The following IGSF3 variants were observed in gnomAD, a reference collection of about 807,000 sequenced individuals.
The protein encoded by IGSF3 is glu-Trp-Ile EWI motif-containing protein 3.
Under a neutral mutation model 114.4 loss-of-function variants are expected in IGSF3, and 23 were observed. The observed-to-expected ratio is 0.20, with a 90% CI of 0.14 to 0.28. IGSF3 has a LOEUF of 0.28. Ranked by LOEUF, IGSF3 falls within the 10% of genes least tolerant of loss-of-function variation. IGSF3 has a pLI of 1.00. For synonymous variants in IGSF3, 571 were observed against 645.2 expected (o/e 0.88, Z 1.74); for missense variants, 1,172 against 1,591.5 (o/e 0.74, Z 4.48).
chr1:116,604,035 G>C lies in IGSF3; in HGVS notation c.1223-10C>G, dbSNP rs976253810. The C allele has an allele frequency of 1.3e-6, 2 of 1,587,236 alleles. No homozygotes were observed. Among genetic ancestry groups the C allele is most frequent in the Admixed American group, 3.4e-5 (2 of 58,460 alleles). ...ACGGAGATGCTGCTCTCTAGGAAGA[G>C]GGAGAGAGAAACACCCTGGAGGCTT... On this transcript the variant is annotated splice_polypyrimidine_tract_variant and intron_variant, in intron 5 of 10. Coordinates refer to ENST00000369486, the MANE Select transcript of IGSF3 (RefSeq NM_001007237.3).
chr1:116,579,614 G>A lies in IGSF3; in HGVS notation c.3112C>T (p.Pro1038Ser). Residue 1038 changes from proline (P) to serine (S), a missense_variant, in exon 10 of 11, where the codon CCA becomes TCA. By Grantham distance (74) the Pro-to-Ser change is moderately conservative. Coordinates refer to ENST00000369486, the MANE Select transcript of IGSF3 (RefSeq NM_001007237.3). The surrounding 1 kb of genome is among the most constrained non-coding windows in gnomAD (Gnocchi z 6.4). ...TERTALLSVG[P>S]DAVFGPEGSP... ...CCCTCTGGGCCAAAGACAGCATCTG[G>A]GCCCACGCTCAGCAGGGCCGTCCGC... The A allele has an allele frequency of 1.2e-6, 2 of 1,614,016 alleles. No individual in the cohort carries two copies. The highest frequency in any genetic ancestry group is 1.7e-6 in the Non-Finnish European group (2 of 1,180,022).
rs115256620 is a variant in IGSF3, at chr1:116,638,695, G to C, written c.44-22238C>G. On this transcript the variant is annotated intron_variant, in intron 2 of 10. Coordinates refer to ENST00000369486, the MANE Select transcript of IGSF3 (RefSeq NM_001007237.3). This position sits in a 1 kb window ranked among gnomAD's most constrained non-coding sequence, Gnocchi z 4.1. Reference sequence around the variant, plus strand: ...ACAAGATGGAAAAGAAAAGAGAAGAGGAAGAGAGAAAAAGAGAAAGGGAAG... The same window carrying C: ...ACAAGATGGAAAAGAAAAGAGAAGACGAAGAGAGAAAAAGAGAAAGGGAAG... 2.7e-3 allele frequency among the ~76,000 whole-genome samples: 404 copies of C among 152,296 alleles called. No individual in the cohort carries two copies. The highest frequency in any genetic ancestry group is 9.4e-3 in the African/African-American group (391 of 41,568).
At chr1:116,617,794 T>G (rs1661277688) in intron 2 of IGSF3, among the ~76,000 whole-genome samples, 1 of 152,216 alleles carries the variant, frequency 6.6e-6, no homozygotes, top group Admixed American at 6.5e-5. Flanking sequence ...TGCTGGAACA[T>G]TCTGTGGCTC....
In IGSF3 at chr1:116,616,254, T is replaced by C. The variant is rs1661213566; in HGVS notation, c.247A>G (p.Ile83Val). Residue 83 changes from isoleucine to valine, a missense_variant, in exon 3 of 11, where the codon ATC becomes GTC. This residue lies in a region of IGSF3 where 736 missense variants were observed against 1,042.0 expected (regional missense o/e 0.71). Coordinates refer to ENST00000369486, the MANE Select transcript of IGSF3 (RefSeq NM_001007237.3). This position sits in a 1 kb window ranked among gnomAD's most constrained non-coding sequence, Gnocchi z 6.6. Reference sequence around the variant, plus strand: ...CCTCCGCGGACGCGCTGGGTGTAGATGGCATAGGGGAAGGAAGAGTCCATG... The same window carrying C: ...CCTCCGCGGACGCGCTGGGTGTAGACGGCATAGGGGAAGGAAGAGTCCATG... ...STMDSSFPYA[I>V]YTQRVRGGKI... is the part of the protein sequence containing the mutation. The C allele has an allele frequency of 1.9e-6, 3 of 1,612,610 alleles. No homozygotes were observed. Among genetic ancestry groups the C allele is most frequent in the Non-Finnish European group, 2.5e-6 (3 of 1,179,672 alleles).
At chr1:116,609,099 A>C (rs1660913450) in intron 4 of IGSF3, among the ~76,000 whole-genome samples, 1 of 151,776 alleles carries the variant, frequency 6.6e-6, no homozygotes, top group South Asian at 2.1e-4. Flanking sequence ...CGCCTGGTTA[A>C]ACCTTAGTAG....
Position 116,644,504 on chromosome 1 carries a change from C to T in IGSF3, c.43+21780G>A, listed in dbSNP as rs1648249205. ...ATTTGGGACAGGACACCTCTAACTC[C>T]ATCTCTGGCCAGGAGCCAGCATAGT... On this transcript the variant is annotated intron_variant, in intron 2 of 10. Coordinates refer to ENST00000369486, the MANE Select transcript of IGSF3 (RefSeq NM_001007237.3). The surrounding 1 kb of genome is among the most constrained non-coding windows in gnomAD (Gnocchi z 5.6). Among the ~76,000 whole-genome samples the T allele has an allele frequency of 6.6e-6, 1 of 152,210 alleles. No homozygotes were observed.
Position 116,634,128 on chromosome 1 carries a change from T to C in IGSF3, c.44-17671A>G, listed in dbSNP as rs1385117266. Reference sequence around the variant, plus strand: ...AATTAGGTCAGAAGCAGACTTAATTTGCACTGTGTACATCCTTCGGTATCC... The same window carrying C: ...AATTAGGTCAGAAGCAGACTTAATTCGCACTGTGTACATCCTTCGGTATCC... On this transcript the variant is annotated intron_variant, in intron 2 of 10. Coordinates refer to ENST00000369486, the MANE Select transcript of IGSF3 (RefSeq NM_001007237.3). This position sits in a 1 kb window ranked among gnomAD's most constrained non-coding sequence, Gnocchi z 4.2. Among the ~76,000 whole-genome samples the C allele has an allele frequency of 1.3e-5, 2 of 152,250 alleles. No homozygotes were observed. Among genetic ancestry groups the C allele is most frequent in the Non-Finnish European group, 2.9e-5 (2 of 68,042 alleles).
Position 116,605,416 on chromosome 1 carries a change from A to G in IGSF3, c.1223-1391T>C, listed in dbSNP as rs556446579. 2.6e-3 allele frequency among the ~76,000 whole-genome samples: 396 copies of G among 152,236 alleles called. 3 individuals carry two copies. Among genetic ancestry groups the G allele is most frequent in the African/African-American group, 8.9e-3 (369 of 41,550 alleles). ...ATTTGCTTGTTTTATGTGAAAAATA[A>G]AAGGTCTGGATGGGGCAGGGAATAG... On this transcript the variant is annotated intron_variant, in intron 5 of 10. Coordinates refer to ENST00000369486, the MANE Select transcript of IGSF3 (RefSeq NM_001007237.3). The surrounding 1 kb of genome is among the most constrained non-coding windows in gnomAD (Gnocchi z 5.1).
At chr1:116,599,878 T>C (rs933326397) in intron 7 of IGSF3, 63 bp downstream of exon 7, 2 of 1,489,110 alleles carry the variant, frequency 1.3e-6, no homozygotes, top group Non-Finnish European at 1.8e-6. Flanking sequence ...CGCACACCTT[T>C]CTTTTTCCCT....
intron 5 of IGSF3, 58 bp from the exon 6 acceptor site, chr1:116,604,083 C>T: frequency 3.6e-6 from 5 of 1,379,840 alleles, no homozygotes; most frequent in South Asian, 1.4e-5. Context: ...AGCGCCCTCC[C>T]CACAGAGGAA....
At chr1:116,641,073 G>T (rs1218729557) in intron 2 of IGSF3, among the ~76,000 whole-genome samples, 2 of 152,134 alleles carry the variant, frequency 1.3e-5, no homozygotes, top group Non-Finnish European at 2.9e-5. Flanking sequence ...CTACAGGGAG[G>T]GTAGGGGAGT....
rs1341089236 is a variant in IGSF3, at chr1:116,664,210, A to G, written c.43+2074T>C. Among the ~76,000 whole-genome samples, 1 of 152,196 alleles carries G rather than the reference A, an allele frequency of 6.6e-6. No homozygotes were observed. Among genetic ancestry groups the G allele is most frequent in the Non-Finnish European group, 1.5e-5 (1 of 68,028 alleles). ...TCCAAACCTTCCCACTTCAGCCTGCATCTGGATGTCTGCCACTGTGCCCCT... is the reference window on the plus strand; with the variant it reads ...TCCAAACCTTCCCACTTCAGCCTGCGTCTGGATGTCTGCCACTGTGCCCCT... On this transcript the variant is annotated intron_variant, in intron 2 of 10. Coordinates refer to ENST00000369486, the MANE Select transcript of IGSF3 (RefSeq NM_001007237.3). This position sits in a 1 kb window ranked among gnomAD's most constrained non-coding sequence, Gnocchi z 4.6.
Position 116,613,943 on chromosome 1 carries a change from C to T in IGSF3, c.654G>A (p.Glu218=), listed in dbSNP as rs1409503325. 3 of 1,613,832 alleles carry T rather than the reference C, an allele frequency of 1.9e-6. No homozygotes were observed. The Admixed American group carries it at 5.0e-5, about 27-fold the overall frequency. Residue 218 remains glutamate (E), a synonymous_variant, in exon 4 of 11, where the codon GAG becomes GAA. Coordinates refer to ENST00000369486, the MANE Select transcript of IGSF3 (RefSeq NM_001007237.3). ...SEYAQRQSLG[E]VRLDKLGRTT... is the part of the protein sequence containing the mutation. ...TCCTCCCCAGCTTGTCCAGCCGCAC[C>T]TCCCCCAGGCTCTGCCTCTGGGCAT...
rs1054260039 is a variant in IGSF3 at position 116,619,318 on chromosome 1, C to T, written c.44-2861G>A. ...TACAGACCTTACAAAGGCACTCGGCCAGCGGATCATGCACGTCCTCCCCAC... is the reference window on the plus strand; with the variant it reads ...TACAGACCTTACAAAGGCACTCGGCTAGCGGATCATGCACGTCCTCCCCAC... On this transcript the variant is annotated intron_variant, in intron 2 of 10. Coordinates refer to ENST00000369486, the MANE Select transcript of IGSF3 (RefSeq NM_001007237.3). 3.3e-5 allele frequency among the ~76,000 whole-genome samples: 5 copies of T among 152,172 alleles called. No homozygotes were observed. The South Asian group carries it at 6.2e-4, about 19-fold the overall frequency.
chr1:116,645,443 C>T (rs1189506808), intron 2 of IGSF3, among the ~76,000 whole-genome samples: 2 of 152,226 alleles, frequency 1.3e-5, no homozygotes, highest in African/African-American at 4.8e-5. Context: ...TATGTGGCTG[C>T]TCATGTTTGT....
In IGSF3 at chr1:116,577,036, G is replaced by A. The variant is rs577761233; in HGVS notation, c.*276C>T. ...ATACTAGATAAATCTGTGAGTAGAT[G>A]TGGCACCTGGAGCTACTCACTACAT... On this transcript the variant is annotated 3_prime_UTR_variant, in exon 11 of 11. Coordinates refer to ENST00000369486, the MANE Select transcript of IGSF3 (RefSeq NM_001007237.3). The surrounding 1 kb of genome is among the most constrained non-coding windows in gnomAD (Gnocchi z 5.7). The A allele has an allele frequency of 2.4e-6, 1 of 413,372 alleles. No individual in the cohort carries two copies. The highest frequency in any genetic ancestry group is 4.4e-6 in the Non-Finnish European group (1 of 227,326). The allele number at this position is 413,372 out of a possible 1,614,324, so 25.6% of individuals were successfully genotyped here.
chr1:116,583,437 A>G lies in IGSF3; in HGVS notation c.2848+1208T>C, dbSNP rs1288612954. ...CTGCAGTTTAGGCAAGACACAGGCG[A>G]GTGAGATACTGCCCATTTCCTATAA... On this transcript the variant is annotated intron_variant, in intron 9 of 10. Coordinates refer to ENST00000369486, the MANE Select transcript of IGSF3 (RefSeq NM_001007237.3). The surrounding 1 kb of genome is among the most constrained non-coding windows in gnomAD (Gnocchi z 4.5). Among the ~76,000 whole-genome samples, 1 of 152,246 alleles carries G rather than the reference A, an allele frequency of 6.6e-6. No individual in the cohort carries two copies. The highest frequency in any genetic ancestry group is 1.5e-5 in the Non-Finnish European group (1 of 68,034).
rs370932197 is a variant in IGSF3 at position 116,662,065 on chromosome 1, G to A, written c.43+4219C>T. Among the ~76,000 whole-genome samples the A allele has an allele frequency of 4.0e-4, 61 of 152,104 alleles. 1 individual carries two copies. In the East Asian group the frequency reaches 0.011, roughly 28 times the overall value. On this transcript the variant is annotated intron_variant, in intron 2 of 10. Transcript: ENST00000369486. The surrounding 1 kb of genome is among the most constrained non-coding windows in gnomAD (Gnocchi z 4.3). ...CTAACACTGTCAGCAATCTATCTTAGGCAAGTGACTCTTTTTTTTTTTTTG... is the reference window on the plus strand; with the variant it reads ...CTAACACTGTCAGCAATCTATCTTAAGCAAGTGACTCTTTTTTTTTTTTTG...
chr1:116,623,712 A>G (rs973744899), intron 2 of IGSF3, among the ~76,000 whole-genome samples: 1 of 152,112 alleles, frequency 6.6e-6, no homozygotes, highest in Non-Finnish European at 1.5e-5. Context: ...AAGTGGAACC[A>G]TAAAACCAGG....
Sources: allele counts gnomAD v4.1 joint callset (sites outside exome capture counted in the v4.1 genomes callset), GRCh38; gene constraint gnomAD v4.1.1; regional missense constraint gnomAD v4.1.1; non-coding constraint Gnocchi (gnomAD v3.1); transcripts MANE v1.5; gene names NCBI Gene and HGNC (gene_info 2026-07-23, HGNC 2026-07-21).